Variants in TASP1 observed in about 807,000 individuals in gnomAD.
TASP1 encodes taspase 1.
Under a neutral mutation model 56.6 loss-of-function variants are expected in TASP1, and 16 were observed. That is an observed-to-expected ratio of 0.28 (90% confidence interval 0.19 to 0.43). TASP1 has a LOEUF of 0.43. Among genes scored for constraint, TASP1 ranks in the 20% least tolerant of loss-of-function variants. The probability of loss-of-function intolerance (pLI) is 1.00; values close to 1 mark genes in which losing one functional copy is unlikely to be tolerated. For missense variants in TASP1, 393 were observed against 511.6 expected (o/e 0.77, Z 2.24); for synonymous variants, 179 against 184.2 (o/e 0.97, Z 0.23).
chr20:13,637,131 A>C (rs555736989), intron 1 of TASP1, among the ~76,000 whole-genome samples: 2 of 152,238 alleles, frequency 1.3e-5, no homozygotes, highest in Non-Finnish European at 2.9e-5. Context: ...AGGGTCAATA[A>C]GCACATTAAA....
At chr20:13,402,462 A>C (rs185212871) in intron 13 of TASP1, among the ~76,000 whole-genome samples, 3 of 152,314 alleles carry the variant, frequency 2.0e-5, no homozygotes, top group Non-Finnish European at 4.4e-5. Context: ...CAAACTTAAA[A>C]GGTACAAGTA....
the TASP1 span, among the ~76,000 whole-genome samples, chr20:13,364,900 C>T: frequency 1.5e-4 from 23 of 152,220 alleles, no homozygotes; most frequent in African/African-American, 4.8e-4. Context: ...GCTACAGCCA[C>T]GAATATGCTC....
At chr20:13,125,141 C>T in the TASP1 span, among the ~76,000 whole-genome samples, 2 of 152,178 alleles carry the variant, frequency 1.3e-5, no homozygotes, top group African/African-American at 4.8e-5. Flanking sequence ...CCCAACTGAG[C>T]ACCTGCAGAT....
At chr20:13,610,964 A>G (rs185148388) in intron 4 of TASP1, among the ~76,000 whole-genome samples, 118 of 152,318 alleles carry the variant, frequency 7.7e-4, no homozygotes, top group African/African-American at 2.7e-3. Flanking sequence ...AAAGCTACAA[A>G]TGATCCATGA....
At chr20:13,477,532 C>G (rs1489996584) in intron 11 of TASP1, among the ~76,000 whole-genome samples, 1 of 152,098 alleles carries the variant, frequency 6.6e-6, no homozygotes, top group East Asian at 1.9e-4. Flanking sequence ...TGCTGCCCCA[C>G]AGTTCACATA....
At chr20:13,586,174 C>CAACA (rs1268287714) in intron 5 of TASP1, among the ~76,000 whole-genome samples, 7 of 53,202 alleles carry the variant, frequency 1.3e-4, no homozygotes, top group Non-Finnish European at 2.6e-4. Flanking sequence ...GACTCCATCT[C>CAACA]AAAAAAAAAA....
At chr20:13,456,695 T>A (rs1019475261) in intron 11 of TASP1, among the ~76,000 whole-genome samples, 3 of 152,102 alleles carry the variant, frequency 2.0e-5, no homozygotes, top group Admixed American at 1.3e-4. Flanking sequence ...GTGACATCAG[T>A]GGCATTGAAA....
At chr20:13,595,756 G>C (rs2047705204) in intron 4 of TASP1, among the ~76,000 whole-genome samples, 1 of 152,110 alleles carries the variant, frequency 6.6e-6, no homozygotes, top group Non-Finnish European at 1.5e-5. Flanking sequence ...AAGAGATTTA[G>C]ACTCCCACAC....
At chr20:13,592,248 T>A in intron 4 of TASP1, among the ~76,000 whole-genome samples, 1 of 151,666 alleles carries the variant, frequency 6.6e-6, no homozygotes, top group Non-Finnish European at 1.5e-5. Context: ...AATAAAAAAA[T>A]TAGCTGGGCA....
the TASP1 span, among the ~76,000 whole-genome samples, chr20:13,197,184 C>T: frequency 6.6e-6 from 1 of 152,188 alleles, no homozygotes; most frequent in Non-Finnish European, 1.5e-5. Flanking sequence ...TACTGAATTA[C>T]GTTTTGTGGT....
Position 13,483,282 on chromosome 20 carries a change from T to C in TASP1, c.930A>G (p.Leu310=), listed in dbSNP as rs1361081646. ...TILARECSHA[L]QAEDAHQALL... is the part of the protein sequence containing the mutation. ...GGGCTTGGTGAGCATCCTCAGCTTGTAAAGCATGTGAACATTCTCTAGCCA... is the reference window on the plus strand; with the variant it reads ...GGGCTTGGTGAGCATCCTCAGCTTGCAAAGCATGTGAACATTCTCTAGCCA... The change falls in exon 11 of 14, where the codon TTA becomes TTG. Residue 310 remains leucine (L), a synonymous_variant. Transcript: ENST00000337743. 3 of 1,604,834 alleles carry C rather than the reference T, an allele frequency of 1.9e-6. No homozygotes were observed. The highest frequency in any genetic ancestry group is 2.2e-5 in the South Asian group (2 of 89,304).
the TASP1 span, among the ~76,000 whole-genome samples, chr20:13,254,459 C>A: frequency 7.5e-6 from 1 of 133,368 alleles, no homozygotes; most frequent in Non-Finnish European, 1.6e-5. Context: ...AAAATACCTG[C>A]CCCCCGCATC....
chr20:13,169,416 G>C, the TASP1 span, among the ~76,000 whole-genome samples: 4 of 152,002 alleles, frequency 2.6e-5, no homozygotes, highest in African/African-American at 4.8e-5. Context: ...CAATACAAAC[G>C]TAAGAGTAAA....
the TASP1 span, among the ~76,000 whole-genome samples, chr20:13,157,218 A>C: frequency 2.2e-4 from 34 of 151,290 alleles, no homozygotes; most frequent in African/African-American, 8.0e-4. Context: ...CAGATGGATC[A>C]CCTGAGGTCA....
chr20:13,572,196 C>G (rs1470154894), intron 6 of TASP1, among the ~76,000 whole-genome samples: 1 of 152,194 alleles, frequency 6.6e-6, no homozygotes, highest in Non-Finnish European at 1.5e-5. Flanking sequence ...GCATTTAGAA[C>G]AGTGCCTAAA....
intron 13 of TASP1, among the ~76,000 whole-genome samples, chr20:13,406,220 T>G (rs2041915324): frequency 6.6e-6 from 1 of 152,230 alleles, no homozygotes; most frequent in South Asian, 2.1e-4. Context: ...TAAAAATGTC[T>G]GCTGGAATTT....
At chr20:13,118,449 G>GAAAAA in the TASP1 span, among the ~76,000 whole-genome samples, 3 of 128,122 alleles carry the variant, frequency 2.3e-5, no homozygotes, top group Non-Finnish European at 4.7e-5. Flanking sequence ...GAGGTTTGTG[G>GAAAAA]AAAAAAAAAA....
chr20:13,631,901 T>TAA (rs1273553486), intron 1 of TASP1, among the ~76,000 whole-genome samples: 2 of 150,914 alleles, frequency 1.3e-5, no homozygotes. Flanking sequence ...CTGTCTCTAT[T>TAA]AATTAGCCAG....
chr20:13,115,005 C>T, the TASP1 span, among the ~76,000 whole-genome samples: 1 of 152,204 alleles, frequency 6.6e-6, no homozygotes, highest in East Asian at 1.9e-4. Context: ...TTCAAATTAA[C>T]TCGTGGAATT....
Sources: allele counts gnomAD v4.1 joint callset (sites outside exome capture counted in the v4.1 genomes callset), GRCh38; gene constraint gnomAD v4.1.1; transcripts MANE v1.5; gene names NCBI Gene and HGNC (gene_info 2026-07-23, HGNC 2026-07-21).